The following SLIT3 variants were observed in gnomAD, a reference collection of about 807,000 sequenced individuals.
SLIT3 encodes slit homolog 3 protein.
A neutral mutation model predicts 184.0 loss-of-function variants in SLIT3; 68 were observed. That is an observed-to-expected ratio of 0.37 (90% CI 0.30 to 0.45). The LOEUF (loss-of-function observed/expected upper bound fraction) is 0.45, where lower values mean the gene tolerates loss of function less well. Among genes scored for constraint, SLIT3 ranks in the 20% least tolerant of loss-of-function variants. The pLI, the probability that SLIT3 is intolerant of heterozygous loss-of-function variation, is 1.00. For missense variants in SLIT3, 1,707 were observed against 2,026.0 expected (o/e 0.84, Z 3.02); for synonymous variants, 831 against 828.6 (o/e 1.00, Z -0.05).
intron 1 of SLIT3, among the ~76,000 whole-genome samples, chr5:169,252,983 T>C (rs1197101929): frequency 1.3e-5 from 2 of 152,112 alleles, no homozygotes; most frequent in African/African-American, 4.8e-5. Flanking sequence ...CCTTGAGTTT[T>C]CCAATACCTA....
chr5:168,779,401 C>T (rs1755888757), intron 12 of SLIT3, among the ~76,000 whole-genome samples: 1 of 152,154 alleles, frequency 6.6e-6, no homozygotes, highest in Non-Finnish European at 1.5e-5. Context: ...GAGCCATGCT[C>T]CCATCAGAGG....
rs116139792 is a variant in SLIT3, at chr5:169,214,430, G to A, written c.342-20880C>T. ...AGAGGCAGAGGAAAACCCAGGAACCGCAGTGAGGAAGTGGCAACAACCAAG... is the reference window on the plus strand; with the variant it reads ...AGAGGCAGAGGAAAACCCAGGAACCACAGTGAGGAAGTGGCAACAACCAAG... On this transcript the variant is annotated intron_variant, in intron 3 of 35. Transcript: ENST00000519560. Among the ~76,000 whole-genome samples, 993 of 152,290 alleles carry A rather than the reference G, an allele frequency of 6.5e-3. 9 individuals carry two copies. Among genetic ancestry groups the A allele is most frequent in the African/African-American group, 0.022 (927 of 41,578 alleles).
At chr5:169,234,872 G>A (rs1050815554) in intron 3 of SLIT3, among the ~76,000 whole-genome samples, 1 of 152,144 alleles carries the variant, frequency 6.6e-6, no homozygotes, top group Non-Finnish European at 1.5e-5. Context: ...TTATTCACTT[G>A]TATTCTGACA....
At chr5:168,891,978 C>T (rs927983517) in intron 4 of SLIT3, among the ~76,000 whole-genome samples, 1 of 152,170 alleles carries the variant, frequency 6.6e-6, no homozygotes, top group Non-Finnish European at 1.5e-5. Flanking sequence ...CAATTGGATG[C>T]TTCACCCTGG....
chr5:169,157,026 A>G (rs1481403002), intron 4 of SLIT3, among the ~76,000 whole-genome samples: 20 of 151,976 alleles, frequency 1.3e-4, no homozygotes, highest in Admixed American at 1.0e-3. Context: ...ACCACACACA[A>G]AAAAATCTGG....
intron 5 of SLIT3, among the ~76,000 whole-genome samples, chr5:168,870,494 GCT>G (rs1435905541): frequency 3.9e-5 from 6 of 152,156 alleles, no homozygotes; most frequent in Non-Finnish European, 8.8e-5. Flanking sequence ...TTGGAGTTGA[GCT>G]TCCAAAGTCC....
intron 4 of SLIT3, among the ~76,000 whole-genome samples, chr5:169,036,992 C>G (rs1757277168): frequency 6.6e-6 from 1 of 152,144 alleles, no homozygotes; most frequent in Admixed American, 6.6e-5. Flanking sequence ...CATAGTGGGA[C>G]AAGCAAAACA....
intron 35 of SLIT3, among the ~76,000 whole-genome samples, chr5:168,667,980 T>G (rs1012732170): frequency 1.3e-5 from 2 of 152,186 alleles, no homozygotes; most frequent in East Asian, 1.9e-4. Context: ...TGAAATTATT[T>G]CAGAATAAGC....
At chr5:168,769,213 G>A (rs756571357) in intron 14 of SLIT3, among the ~76,000 whole-genome samples, 2 of 152,166 alleles carry the variant, frequency 1.3e-5, no homozygotes, top group Non-Finnish European at 2.9e-5. Flanking sequence ...AAAGGCCCAG[G>A]TGAGGGTACC....
intron 4 of SLIT3, among the ~76,000 whole-genome samples, chr5:169,022,586 T>C (rs905115599): frequency 6.6e-6 from 1 of 152,214 alleles, no homozygotes; most frequent in Admixed American, 6.5e-5. Context: ...TGTACAAAAA[T>C]GATCCTGTAG....
intron 4 of SLIT3, among the ~76,000 whole-genome samples, chr5:168,909,730 C>T (rs1036858200): frequency 2.6e-5 from 4 of 152,156 alleles, no homozygotes; most frequent in African/African-American, 9.7e-5. Flanking sequence ...CTCCTGCTTT[C>T]CTCTCCGCTA....
intron 20 of SLIT3, among the ~76,000 whole-genome samples, chr5:168,746,603 T>G (rs1307931382): frequency 3.1e-5 from 3 of 97,702 alleles, no homozygotes; most frequent in Admixed American, 1.2e-4. Flanking sequence ...TGTGGTGGTG[T>G]GGGTGTGGTG....
chr5:168,683,707 G>C (rs1410721060), intron 32 of SLIT3, among the ~76,000 whole-genome samples: 1 of 152,224 alleles, frequency 6.6e-6, no homozygotes, highest in African/African-American at 2.4e-5. Flanking sequence ...ACAGTAGCCA[G>C]CTGCCTGTTT....
intron 3 of SLIT3, among the ~76,000 whole-genome samples, chr5:169,233,210 A>C (rs767671577): frequency 2.5e-4 from 38 of 152,076 alleles, no homozygotes; most frequent in Non-Finnish European, 4.0e-4. Context: ...TTACTAGTAG[A>C]GATGGGGTTT....
At chr5:168,810,914 G>A (rs1387481624) in intron 8 of SLIT3, among the ~76,000 whole-genome samples, 1 of 152,098 alleles carries the variant, frequency 6.6e-6, no homozygotes, top group Non-Finnish European at 1.5e-5. Flanking sequence ...CATGGGTATT[G>A]TGCCCAGTAT....
intron 4 of SLIT3, among the ~76,000 whole-genome samples, chr5:168,965,670 T>A (rs1763160352): frequency 6.6e-6 from 1 of 152,236 alleles, no homozygotes; most frequent in Admixed American, 6.5e-5. Context: ...GCACCTACCC[T>A]AAGTACAGAC....
At chr5:169,285,744 C>A (rs1767133076) in intron 1 of SLIT3, among the ~76,000 whole-genome samples, 1 of 152,204 alleles carries the variant, frequency 6.6e-6, no homozygotes, top group African/African-American at 2.4e-5. Context: ...TGTGTAGACA[C>A]CCTGCTCAAC....
At chr5:169,148,891 A>G (rs1165626002) in intron 4 of SLIT3, among the ~76,000 whole-genome samples, 2 of 152,208 alleles carry the variant, frequency 1.3e-5, no homozygotes, top group African/African-American at 4.8e-5. Context: ...TTAAAAAAAA[A>G]AAAATCACAA....
chr5:169,196,903 TG>T (rs1266201700), intron 3 of SLIT3, among the ~76,000 whole-genome samples: 9 of 152,334 alleles, frequency 5.9e-5, no homozygotes, highest in African/African-American at 2.2e-4. Flanking sequence ...AGTCTCTATG[TG>T]GGTCTGTCTG....
Sources: gnomAD v4.1 joint callset for allele counts (sites outside exome capture counted in the v4.1 genomes callset) on GRCh38, gnomAD v4.1.1 for gene constraint, MANE v1.5 for transcripts, NCBI Gene and HGNC (gene_info 2026-07-23, HGNC 2026-07-21) for gene names.